LZTFL1: variants seen among roughly 807,000 people sequenced by gnomAD.
LZTFL1 encodes leucine zipper transcription factor-like protein 1.
A neutral mutation model predicts 45.9 loss-of-function variants in LZTFL1; 25 were observed. The observed-to-expected ratio is 0.54, with a 90% CI of 0.40 to 0.76. The LOEUF (loss-of-function observed/expected upper bound fraction) is 0.76, where lower values mean the gene tolerates loss of function less well. LZTFL1 is among the 30% of genes least tolerant of loss of function. The pLI is 0.00. For synonymous variants in LZTFL1, 93 were observed against 117.4 expected (o/e 0.79, Z 1.35); for missense variants, 277 against 331.1 (o/e 0.84, Z 1.27).
intron 2 of LZTFL1, among the ~76,000 whole-genome samples, chr3:45,895,856 G>A (rs1702336580): frequency 6.6e-6 from 1 of 151,944 alleles, no homozygotes; most frequent in Admixed American, 6.6e-5. Context: ...AATTACCTAA[G>A]GGCTTTGATT....
chr3:45,903,688 G>A (rs1332484909), intron 2 of LZTFL1, among the ~76,000 whole-genome samples: 1 of 152,244 alleles, frequency 6.6e-6, no homozygotes, highest in Non-Finnish European at 1.5e-5. Context: ...GAGGGCGAAG[G>A]GGTGAAGCGC....
chr3:45,869,729 T>C (rs75766564), intron 2 of LZTFL1, among the ~76,000 whole-genome samples: 3,399 of 152,266 alleles, frequency 0.022, 138 homozygotes, highest in African/African-American at 0.078. Context: ...TTTTGAGCCA[T>C]AAAATCCCCA....
chr3:45,827,707 C>T (rs901810604), intron 8 of LZTFL1, among the ~76,000 whole-genome samples: 2 of 151,998 alleles, frequency 1.3e-5, no homozygotes, highest in South Asian at 2.1e-4. Context: ...ATAACTCAAG[C>T]CCTGGATATG....
intron 2 of LZTFL1, among the ~76,000 whole-genome samples, chr3:45,871,280 C>A (rs1321557664): frequency 6.6e-6 from 1 of 152,208 alleles, no homozygotes; most frequent in African/African-American, 2.4e-5. Context: ...ATATTGCTGT[C>A]ATCTCTTTCC....
Position 45,851,364 on chromosome 3 carries a change from T to G in LZTFL1, c.-49+3622A>C, listed in dbSNP as rs577441976. Among the ~76,000 whole-genome samples the G allele has an allele frequency of 2.2e-4, 33 of 151,850 alleles. No individual in the cohort carries two copies. In the South Asian group the frequency reaches 2.3e-3, roughly 11 times the overall value. ...GCATCAGCCTCCTGAGTAGCTGGGA[T>G]TACAGGCACCTGCCACCACGCCCAG... On this transcript the variant is annotated intron_variant, in intron 4 of 4. Transcript: ENST00000472635.
At position 45,871,306 on chromosome 3, in the gene LZTFL1, A is replaced by T. The variant is rs562486387; in HGVS notation, c.-214-12290T>A. Among the ~76,000 whole-genome samples the T allele has an allele frequency of 2.0e-5, 3 of 152,310 alleles. No individual in the cohort carries two copies. The East Asian group carries it at 5.8e-4, about 29-fold the overall frequency. ...ATCTCTTTCCAGTGTGGCTGAACCCATTTTTGCACCCTCAGGAATGGGTGA... is the reference window on the plus strand; with the variant it reads ...ATCTCTTTCCAGTGTGGCTGAACCCTTTTTTGCACCCTCAGGAATGGGTGA... On this transcript the variant is annotated intron_variant, in intron 2 of 4. Coordinates refer to the LZTFL1 transcript ENST00000472635.
At position 45,826,177 on chromosome 3, in the gene LZTFL1, C is replaced by G; in HGVS notation, c.*137G>C. ...TTTCAACTAGCTGAAAATAGGAACT[C>G]TAGTTCTAAATATTCAAAGTCTAAA... On this transcript the variant is annotated 3_prime_UTR_variant, in exon 10 of 10. Transcript: ENST00000296135. 1 of 759,514 alleles carries G rather than the reference C, an allele frequency of 1.3e-6. No homozygotes were observed. Among genetic ancestry groups the G allele is most frequent in the Non-Finnish European group, 2.2e-6 (1 of 452,808 alleles). The allele number at this position is 759,514 out of a possible 1,614,324, so 47.0% of individuals were successfully genotyped here.
At chr3:45,837,486 A>C (rs1700996346) in intron 2 of LZTFL1, among the ~76,000 whole-genome samples, 1 of 152,226 alleles carries the variant, frequency 6.6e-6, no homozygotes, top group Non-Finnish European at 1.5e-5. Flanking sequence ...CAATTTTGGT[A>C]CTAGTCAGCA....
chr3:45,844,459 A>C (rs1701187195), upstream of LZTFL1, among the ~76,000 whole-genome samples: 1 of 152,196 alleles, frequency 6.6e-6, no homozygotes, highest in African/African-American at 2.4e-5. Context: ...TAAGTAAAAA[A>C]AAAATAGGTG....
chr3:45,855,221 A>C (rs1349783153), intron 3 of LZTFL1: 1 of 546,366 alleles, frequency 1.8e-6, no homozygotes, highest in Non-Finnish European at 3.3e-6. Context: ...ACCACAATCA[A>C]GTCGGCTTCA....
chr3:45,906,310 C>T (rs557316215), intron 2 of LZTFL1, among the ~76,000 whole-genome samples: 10 of 152,292 alleles, frequency 6.6e-5, no homozygotes, highest in East Asian at 3.9e-4. Context: ...AAGACAGCCA[C>T]GATACCTCCC....
At chr3:45,856,330 A>T (rs951605521) in intron 3 of LZTFL1, among the ~76,000 whole-genome samples, 1 of 152,220 alleles carries the variant, frequency 6.6e-6, no homozygotes, top group Non-Finnish European at 1.5e-5. Context: ...CTGGCTAGCC[A>T]TATGCAGAAA....
chr3:45,824,682 A>C lies in LZTFL1; in HGVS notation c.*1632T>G. On this transcript the variant is annotated 3_prime_UTR_variant, in exon 10 of 10. Coordinates refer to ENST00000296135, the MANE Select transcript of LZTFL1 (RefSeq NM_020347.4). Reference sequence around the variant, plus strand: ...AAAGGTGTAGGGAGAAAATAATTGAATGGTTTCTGAAGGCCACACTAGCCC... The same window carrying C: ...AAAGGTGTAGGGAGAAAATAATTGACTGGTTTCTGAAGGCCACACTAGCCC... The C allele has an allele frequency of 2.5e-6, 1 of 396,546 alleles. No individual in the cohort carries two copies. Among genetic ancestry groups the C allele is most frequent in the Admixed American group, 4.4e-5 (1 of 22,708 alleles). The allele number at this position is 396,546 out of a possible 1,614,324, so 24.6% of individuals were successfully genotyped here. A position where few individuals can be genotyped will look rare whatever the true frequency, so the allele number is the denominator to read the frequency against.
At chr3:45,853,110 G>C (rs530754386) in intron 4 of LZTFL1, among the ~76,000 whole-genome samples, 2 of 152,312 alleles carry the variant, frequency 1.3e-5, no homozygotes, top group South Asian at 4.1e-4. Context: ...AGATGGAAGG[G>C]CTTTACCTGT....
Position 45,901,774 on chromosome 3 carries a change from T to C in LZTFL1, c.-215+11346A>G. 1 of 1,614,190 alleles carries C rather than the reference T, an allele frequency of 6.2e-7. No individual in the cohort carries two copies. Among genetic ancestry groups the C allele is most frequent in the Non-Finnish European group, 8.5e-7 (1 of 1,180,028 alleles). On this transcript the variant is annotated intron_variant, in intron 2 of 4. Transcript: ENST00000472635. The surrounding 1 kb of genome is among the most constrained non-coding windows in gnomAD (Gnocchi z 4.3). ...GGTGAGAGATTCCGCCGGGATCTCG[T>C]GAAAACCCTGAAGAACTTGGGTTGC... is the stretch of plus-strand genomic sequence containing the variant.
chr3:45,826,702 T>C (rs1700675594), intron 9 of LZTFL1, among the ~76,000 whole-genome samples: 1 of 152,216 alleles, frequency 6.6e-6, no homozygotes, highest in Non-Finnish European at 1.5e-5. Flanking sequence ...TCTGCTCCCC[T>C]GGAACTCTGA....
chr3:45,865,364 C>T (rs572242263), intron 2 of LZTFL1, among the ~76,000 whole-genome samples: 96 of 152,264 alleles, frequency 6.3e-4, no homozygotes, highest in Non-Finnish European at 2.1e-4. Flanking sequence ...TGATGAGGAA[C>T]GACCTCCAAG....
chr3:45,914,038 T>C (rs946968072), intron 1 of LZTFL1, among the ~76,000 whole-genome samples: 1 of 152,204 alleles, frequency 6.6e-6, no homozygotes, highest in Non-Finnish European at 1.5e-5. Context: ...ATTTCCATCA[T>C]TGCGCCCTAG....
intron 2 of LZTFL1, among the ~76,000 whole-genome samples, chr3:45,880,211 A>C (rs923565398): frequency 6.6e-6 from 1 of 152,212 alleles, no homozygotes; most frequent in Non-Finnish European, 1.5e-5. Context: ...ATCTGTTAAA[A>C]ATGGAAATCA....
Sources: allele counts gnomAD v4.1 joint callset (sites outside exome capture counted in the v4.1 genomes callset), GRCh38; gene constraint gnomAD v4.1.1; non-coding constraint Gnocchi (gnomAD v3.1); transcripts MANE v1.5; gene names NCBI Gene and HGNC (gene_info 2026-07-23, HGNC 2026-07-21).